Variants in ATAD3B observed in about 807,000 individuals in gnomAD.
ATAD3B encodes the protein ATPase family AAA domain containing 3B.
ATAD3B carries 59 observed loss-of-function variants against 70.2 expected under a neutral mutation model. The ratio of observed to expected loss-of-function variants is 0.84; its 90% CI spans 0.68 to 1.04. ATAD3B has a LOEUF of 1.04. ATAD3B is among the 50% of genes least tolerant of loss of function. ATAD3B has a pLI of 0.00. For synonymous variants in ATAD3B, 423 were observed against 388.6 expected (o/e 1.09, Z -1.04); for missense variants, 961 against 913.4 (o/e 1.05, Z -0.67).
At position 1,489,967 on chromosome 1, in the gene ATAD3B, G is replaced by C. The variant is rs548942353; in HGVS notation, c.1338-290G>C. On this transcript the variant is annotated intron_variant, in intron 13 of 15. Coordinates refer to ENST00000673477, the MANE Select transcript of ATAD3B (RefSeq NM_031921.6). Reference sequence around the variant, plus strand: ...ACAGCGGGGCTCAGGTAGCAGGAGGGAGTGGTGTTCCCGGCACTGCCTATC... The same window carrying C: ...ACAGCGGGGCTCAGGTAGCAGGAGGCAGTGGTGTTCCCGGCACTGCCTATC... 5.5e-6 allele frequency: 7 copies of C among 1,280,634 alleles called. No individual in the cohort carries two copies. In the Admixed American group the frequency reaches 1.3e-4, roughly 25 times the overall value. The allele number at this position is 1,280,634 out of a possible 1,614,324, so 79.3% of individuals were successfully genotyped here.
intron 1 of ATAD3B, among the ~76,000 whole-genome samples, 177 bp downstream of exon 1, chr1:1,472,266 G>C (rs1417557038): frequency 6.6e-6 from 1 of 152,028 alleles, no homozygotes; most frequent in African/African-American, 2.4e-5. Flanking sequence ...GACTCTTTCC[G>C]TCACCCGTTT....
At chr1:1,482,775 C>G (rs1639990286) in intron 7 of ATAD3B, 161 bp downstream of exon 7, 2 of 1,177,756 alleles carry the variant, frequency 1.7e-6, no homozygotes, top group South Asian at 2.9e-5. Flanking sequence ...CTGCTCCTCC[C>G]TCCTTGAGCT....
At chr1:1,472,686 G>A (rs986601933) in intron 1 of ATAD3B, among the ~76,000 whole-genome samples, 2 of 152,050 alleles carry the variant, frequency 1.3e-5, no homozygotes, top group African/African-American at 4.8e-5. Context: ...CTAAGCTCGG[G>A]TCTCTTCCCC....
chr1:1,487,244 C>T (rs1329775291), intron 11 of ATAD3B, among the ~76,000 whole-genome samples: 5 of 151,924 alleles, frequency 3.3e-5, no homozygotes, highest in Non-Finnish European at 5.9e-5. Context: ...TAATCCCAGA[C>T]TTTCGGAGGC....
chr1:1,477,434 A>G, intron 2 of ATAD3B, 84 bp downstream of exon 2: 1 of 1,597,010 alleles, frequency 6.3e-7, no homozygotes, highest in Non-Finnish European at 8.5e-7. Flanking sequence ...ACTGGTGGGT[A>G]GGGCCAGGGG....
Position 1,487,852 on chromosome 1 carries a change from C to G in ATAD3B, c.1215-11C>G, listed in dbSNP as rs763719670. The G allele has an allele frequency of 1.4e-5, 23 of 1,612,896 alleles. No homozygotes were observed. Among genetic ancestry groups the G allele is most frequent in the Non-Finnish European group, 1.8e-5 (21 of 1,179,340 alleles). On this transcript the variant is annotated splice_polypyrimidine_tract_variant and intron_variant, in intron 11 of 15. Coordinates refer to ENST00000673477, the MANE Select transcript of ATAD3B (RefSeq NM_031921.6). ...CACTCTCGCCTTGCTTGGCCTCTCT[C>G]TCGTTCACAGCCTCCTGCTCTTCAT...
Position 1,478,638 on chromosome 1 carries a change from C to T in ATAD3B, c.283-6C>T, listed in dbSNP as rs1241569982. The T allele has an allele frequency of 2.6e-6, 4 of 1,548,318 alleles. No homozygotes were observed. The highest frequency in any genetic ancestry group is 3.5e-6 in the Non-Finnish European group (4 of 1,146,044). On this transcript the variant is annotated splice_region_variant and splice_polypyrimidine_tract_variant and intron_variant, in intron 2 of 15. Transcript: ENST00000673477. ...AGTGCCAGCTGGTGAGTGCTGTGCT[C>T]TGCAGGAGTATGAGGCCGCCGTGGA...
chr1:1,496,065 C>T lies in ATAD3B; in HGVS notation c.*248C>T. ...CCAGGACTAGACAGAAGTGGGGCGG[C>T]CTGAACCCTGCTTCCAGCCATGGCC... On this transcript the variant is annotated 3_prime_UTR_variant, in exon 16 of 16. Transcript: ENST00000673477. 1 of 1,257,536 alleles carries T rather than the reference C, an allele frequency of 8.0e-7. No homozygotes were observed. The highest frequency in any genetic ancestry group is 1.0e-6 in the Non-Finnish European group (1 of 998,934). 77.9% of individuals were successfully genotyped at this position (1,257,536 alleles called of 1,614,324 possible). A position where few individuals can be genotyped will look rare whatever the true frequency, so the allele number is the denominator to read the frequency against.
At position 1,482,221 on chromosome 1, in the gene ATAD3B, G is replaced by C. The variant is rs143314466; in HGVS notation, c.598G>C (p.Glu200Gln). ...CGAGGCCCGGGCGCGCGCCAAGGCCGAGCGGGAGAATGCAGACATCATCCG... is the reference window on the plus strand; with the variant it reads ...CGAGGCCCGGGCGCGCGCCAAGGCCCAGCGGGAGAATGCAGACATCATCCG... ...ETEARARAKAERENADIIREQ... is the reference protein window; with the variant it reads ...ETEARARAKAQRENADIIREQ... Residue 200 changes from glutamate to glutamine, a missense_variant, in exon 6 of 16, where the codon GAG becomes CAG. By Grantham distance (29) the Glu-to-Gln change is conservative. This residue lies in a region of ATAD3B where 349 missense variants were observed against 307.5 expected (regional missense o/e 1.14). Transcript: ENST00000673477. The C allele has an allele frequency of 6.2e-7, 1 of 1,611,214 alleles. No homozygotes were observed. The highest frequency in any genetic ancestry group is 8.5e-7 in the Non-Finnish European group (1 of 1,179,316).
At chr1:1,502,740 G>C (rs1216113074), downstream of ATAD3B, among the ~76,000 whole-genome samples, 2 of 130,966 alleles carry the variant, frequency 1.5e-5, no homozygotes, top group Admixed American at 7.6e-5. Flanking sequence ...GCGAACTCCT[G>C]AGCTCAGGCG....
chr1:1,496,300 C>A lies in ATAD3B; in HGVS notation c.*483C>A, dbSNP rs1640792741. ...GTGACATAAGAGGCAGAGGCTGGAG[C>A]TTTCTGGAGAATTTACTGATCACAG... On this transcript the variant is annotated 3_prime_UTR_variant, in exon 16 of 16. Transcript: ENST00000673477. 1.1e-6 allele frequency: 1 copy of A among 935,762 alleles called. No homozygotes were observed. The highest frequency in any genetic ancestry group is 1.3e-6 in the Non-Finnish European group (1 of 783,710). The allele number at this position is 935,762 out of a possible 1,614,324, so 58.0% of individuals were successfully genotyped here.
intron 7 of ATAD3B, 148 bp downstream of exon 7, chr1:1,482,762 C>G (rs758369730): frequency 1.4e-5 from 18 of 1,309,214 alleles, no homozygotes; most frequent in Non-Finnish European, 1.9e-5. Context: ...CTGCTGGGCT[C>G]GGCTGCTCCT....
chr1:1,504,062 A>G, the ATAD3B span, among the ~76,000 whole-genome samples: 1 of 151,890 alleles, frequency 6.6e-6, no homozygotes, highest in Non-Finnish European at 1.5e-5. Flanking sequence ...TTCTCGGCTC[A>G]CTGCAATCTC....
Position 1,490,278 on chromosome 1 carries a change from C to T in ATAD3B, c.1359C>T (p.Ser453=), listed in dbSNP as rs200130336. The T allele has an allele frequency of 9.2e-5, 149 of 1,612,922 alleles. 2 individuals are homozygous for T. The Admixed American group carries it at 2.5e-3, about 27-fold the overall frequency. ...ACAGATTCATGCTGGTCCTGGCCAG[C>T]AATCTGCCTGAGCAGTTCGACTGTG... ...HSNKFMLVLA[S]NLPEQFDCAI... The change falls in exon 14 of 16, where the codon AGC becomes AGT. Residue 453 remains serine (S), a synonymous_variant. Transcript: ENST00000673477.
chr1:1,482,690 T>A, intron 7 of ATAD3B, 76 bp downstream of exon 7: 1 of 1,606,390 alleles, frequency 6.2e-7, no homozygotes, highest in African/African-American at 1.3e-5. Context: ...CCCCAGGTCC[T>A]GTCCCTGCCG....
the ATAD3B span, chr1:1,509,098 C>A: frequency 1.4e-6 from 2 of 1,467,592 alleles, no homozygotes; most frequent in Non-Finnish European, 1.8e-6. Flanking sequence ...ACGCTCAGGC[C>A]ATCCTGGAGC....
At chr1:1,479,846 C>A (rs1388064626) in intron 4 of ATAD3B, among the ~76,000 whole-genome samples, 5 of 136,714 alleles carry the variant, frequency 3.7e-5, no homozygotes, top group African/African-American at 1.4e-4. Flanking sequence ...AGGCACACAC[C>A]GCCCCGCACA....
chr1:1,489,453 A>G, intron 13 of ATAD3B, 179 bp downstream of exon 13: 2 of 1,199,266 alleles, frequency 1.7e-6, no homozygotes, highest in Non-Finnish European at 2.3e-6. Context: ...ATTGAGGAAC[A>G]TGCAGGGGCC....
At position 1,485,846 on chromosome 1, in the gene ATAD3B, G is replaced by A. The variant is rs1484046188; in HGVS notation, c.963+8G>A. The A allele has an allele frequency of 1.6e-5, 26 of 1,612,880 alleles. No individual in the cohort carries two copies. The highest frequency in any genetic ancestry group is 1.7e-5 in the Non-Finnish European group (20 of 1,179,530). On this transcript the variant is annotated splice_region_variant and intron_variant, in intron 9 of 15. Coordinates refer to ENST00000673477, the MANE Select transcript of ATAD3B (RefSeq NM_031921.6). The stretch of plus-strand genomic sequence containing the variant: ...GAGGGTGTTGTGCTTAGTGTAAGTC[G>A]GTGTGCCTGGGACCGGGGAGGTGCA...
Sources: gnomAD v4.1 joint callset for allele counts (sites outside exome capture counted in the v4.1 genomes callset) on GRCh38, gnomAD v4.1.1 for gene constraint, gnomAD v4.1.1 regional missense constraint, MANE v1.5 for transcripts, NCBI Gene and HGNC (gene_info 2026-07-23, HGNC 2026-07-21) for gene names.